Variants in MLH3 observed in about 807,000 individuals in gnomAD.
MLH3 encodes DNA mismatch repair protein Mlh3.
A neutral mutation model predicts 122.2 loss-of-function variants in MLH3; 82 were observed. That is an observed-to-expected ratio of 0.67 (90% confidence interval 0.56 to 0.81). The LOEUF (loss-of-function observed/expected upper bound fraction) is 0.81, where lower values mean the gene tolerates loss of function less well. Among genes scored for constraint, MLH3 ranks in the 30% least tolerant of loss-of-function variants. The pLI, the probability that MLH3 is intolerant of heterozygous loss-of-function variation, is 0.00. For missense variants in MLH3, 1,539 were observed against 1,714.5 expected (o/e 0.90, Z 1.81); for synonymous variants, 524 against 599.5 (o/e 0.87, Z 1.84).
Position 75,039,881 on chromosome 14 carries a change from A to T in MLH3, c.3570+30T>A, listed in dbSNP as rs1249404841. 6 of 616,458 alleles carry T rather than the reference A, an allele frequency of 9.7e-6. No homozygotes were observed. In the East Asian group the frequency reaches 1.9e-4, roughly 19 times the overall value. The allele number at this position is 616,458 out of a possible 1,614,324, so 38.2% of individuals were successfully genotyped here. ...TATATATATATATATATATATATAT[A>T]TTTATGAGATTTTGAAGTTAATCTT... On this transcript the variant is annotated intron_variant, in intron 5 of 12. Coordinates refer to ENST00000355774, the MANE Select transcript of MLH3 (RefSeq NM_001040108.2).
At chr14:75,035,638 C>T (rs1028405054) in intron 6 of MLH3, among the ~76,000 whole-genome samples, 1 of 152,174 alleles carries the variant, frequency 6.6e-6, no homozygotes, top group African/African-American at 2.4e-5. Context: ...GTTAATTTGC[C>T]TTTGATCTGC....
At chr14:75,028,214 T>C (rs1382308994) in intron 9 of MLH3, among the ~76,000 whole-genome samples, 2 of 152,152 alleles carry the variant, frequency 1.3e-5, no homozygotes, top group African/African-American at 4.8e-5. Flanking sequence ...TACCAAAACA[T>C]ATATGTAAAG....
chr14:75,046,684 G>C lies in MLH3; in HGVS notation c.2972C>G (p.Ser991Ter). Residue 991 changes from serine (S) to a stop codon, truncating the protein, a stop_gained, in exon 2 of 13, where the codon TCA (serine) becomes TGA (stop). Transcript: ENST00000355774. LOFTEE classifies it high-confidence loss of function. Reference protein sequence around the residue: ...GKDSDVLIRASEQQIGSLDSP... With the variant: ...GKDSDVLIRA The stretch of plus-strand genomic sequence containing the variant: ...GTCAAGACTTCCTATCTGTTGTTCT[G>C]AGGCTCTGATAAGAACATCTGAATC... 1 of 1,614,098 alleles carries C rather than the reference G, an allele frequency of 6.2e-7. No homozygotes were observed. The highest frequency in any genetic ancestry group is 8.5e-7 in the Non-Finnish European group (1 of 1,179,986).
chr14:75,036,340 T>G (rs1008569961), intron 6 of MLH3, among the ~76,000 whole-genome samples: 1 of 145,200 alleles, frequency 6.9e-6, no homozygotes, highest in Non-Finnish European at 1.5e-5. Flanking sequence ...AACCACATTC[T>G]TGACATCTTT....
At chr14:75,037,199 A>G (rs934883603) in intron 6 of MLH3, among the ~76,000 whole-genome samples, 3 of 152,166 alleles carry the variant, frequency 2.0e-5, no homozygotes, top group Non-Finnish European at 4.4e-5. Flanking sequence ...AGGAGAATAA[A>G]TCACAAATTG....
chr14:75,046,574 C>T lies in MLH3; in HGVS notation c.3082G>A (p.Ala1028Thr). ...TCTTCAGTTTCAGAACAAGCTCTTGCTTTAGATTCCTCACTCTGAAAACAA... is the reference window on the plus strand; with the variant it reads ...TCTTCAGTTTCAGAACAAGCTCTTGTTTTAGATTCCTCACTCTGAAAACAA... ...GICFQSEESK[A>T]RACSETEESN... The change falls in exon 2 of 13, where the codon GCA becomes ACA. Residue 1028 changes from alanine to threonine, a missense_variant. Physicochemically the swap from Ala to Thr is moderately conservative, Grantham distance 58. Coordinates refer to ENST00000355774, the MANE Select transcript of MLH3 (RefSeq NM_001040108.2). The T allele has an allele frequency of 3.7e-6, 6 of 1,614,198 alleles. No homozygotes were observed. The highest frequency in any genetic ancestry group is 5.1e-6 in the Non-Finnish European group (6 of 1,180,038).
Position 75,049,442 on chromosome 14 carries a change from G to GAT in MLH3, c.212_213dup (p.Arg72IlefsTer47). 1.9e-6 allele frequency: 3 copies of GAT among 1,613,976 alleles called. No individual in the cohort carries two copies. Among genetic ancestry groups the GAT allele is most frequent in the Non-Finnish European group, 8.5e-7 (1 of 1,180,018 alleles). On this transcript the variant is annotated frameshift_variant, in exon 2 of 13. Coordinates refer to ENST00000355774, the MANE Select transcript of MLH3 (RefSeq NM_001040108.2). LOFTEE classifies it high-confidence loss of function. The stretch of plus-strand genomic sequence containing the variant: ...GAGTGGCATTTACTGGTGAAATAAC[G>GAT]ATTTCCCACTTTCTCTACATCATCA...
chr14:75,048,070 T>G lies in MLH3; in HGVS notation c.1586A>C (p.Lys529Thr), dbSNP rs1892386106. ...CATGCCATTAACAGTAGTACTTTCT[T>G]TCCATATTTCTAGATCCTGCCCACT... ...EESGQDLEIW[K>T]ESTTVNGMAA... The change falls in exon 2 of 13, where the codon AAA becomes ACA. Residue 529 changes from lysine to threonine, a missense_variant. Physicochemically the swap from Lys to Thr is moderately conservative, Grantham distance 78. Coordinates refer to ENST00000355774, the MANE Select transcript of MLH3 (RefSeq NM_001040108.2). 1 of 1,614,090 alleles carries G rather than the reference T, an allele frequency of 6.2e-7. No homozygotes were observed. Among genetic ancestry groups the G allele is most frequent in the East Asian group, 2.2e-5 (1 of 44,878 alleles).
At chr14:75,043,188 T>G (rs183173779) in intron 2 of MLH3, among the ~76,000 whole-genome samples, 2 of 152,264 alleles carry the variant, frequency 1.3e-5, no homozygotes, top group Non-Finnish European at 2.9e-5. Flanking sequence ...GGACAAACCT[T>G]ACAACAAAAA....
chr14:75,039,007 G>A (rs530615973), intron 5 of MLH3, among the ~76,000 whole-genome samples: 14 of 151,640 alleles, frequency 9.2e-5, no homozygotes, highest in South Asian at 6.3e-4. Flanking sequence ...ACAGGTGCCC[G>A]CCACCACGCC....
rs780120175 is a variant in MLH3, at chr14:75,019,033, T to C, written c.4091-53A>G. On this transcript the variant is annotated intron_variant, in intron 11 of 12. Transcript: ENST00000355774. Reference sequence around the variant, plus strand: ...TATAGTGTATATAGTGGGAAACCAATGCTGACCTTGGGTCACTGCCAAATA... The same window carrying C: ...TATAGTGTATATAGTGGGAAACCAACGCTGACCTTGGGTCACTGCCAAATA... The C allele has an allele frequency of 6.5e-6, 10 of 1,532,972 alleles. No individual in the cohort carries two copies. In the South Asian group the frequency reaches 1.0e-4, roughly 15 times the overall value. 95.0% of individuals were successfully genotyped at this position (1,532,972 alleles called of 1,614,324 possible).
At position 75,048,190 on chromosome 14, in the gene MLH3, T is replaced by A; in HGVS notation, c.1466A>T (p.Lys489Ile). 6.2e-7 allele frequency: 1 copy of A among 1,613,742 alleles called. No homozygotes were observed. The highest frequency in any genetic ancestry group is 8.5e-7 in the Non-Finnish European group (1 of 1,179,886). ...TAAAGAGCTATGTTCCAGGAAAGAT[T>A]TTTTATGTTTCTCATTTTCTCCAGC... The part of the protein sequence containing the change: ...SEAGENEKHK[K>I]SFLEHSSLEN... The change falls in exon 2 of 13, where the codon AAA (lysine) becomes ATA (isoleucine). Residue 489 changes from lysine to isoleucine, a missense_variant. Lys to Ile is a moderately radical substitution (Grantham distance 102). Coordinates refer to ENST00000355774, the MANE Select transcript of MLH3 (RefSeq NM_001040108.2).
chr14:75,033,510 G>T lies in MLH3; in HGVS notation c.3644-20C>A. The T allele has an allele frequency of 6.2e-7, 1 of 1,604,482 alleles. No individual in the cohort carries two copies. The highest frequency in any genetic ancestry group is 1.1e-5 in the South Asian group (1 of 90,826). On this transcript the variant is annotated intron_variant, in intron 6 of 12. Coordinates refer to ENST00000355774, the MANE Select transcript of MLH3 (RefSeq NM_001040108.2). ...TCCCACCTAGATGAGCAAGGATTGT[G>T]AACTTTGATTCTCAGAGCAAGACGA...
chr14:75,034,279 A>C (rs1408242130), intron 6 of MLH3, among the ~76,000 whole-genome samples: 1 of 152,078 alleles, frequency 6.6e-6, no homozygotes. Flanking sequence ...ATTTTGCCTT[A>C]TTAATTCAAC....
intron 4 of MLH3, among the ~76,000 whole-genome samples, 166 bp downstream of exon 4, chr14:75,041,449 T>C (rs1566596507): frequency 6.6e-6 from 1 of 151,914 alleles, no homozygotes; most frequent in Admixed American, 6.6e-5. Context: ...CTCGAGAGAC[T>C]GAGGCAGGAG....
intron 6 of MLH3, among the ~76,000 whole-genome samples, chr14:75,035,098 AAG>A (rs1447105673): frequency 2.6e-5 from 4 of 151,634 alleles, no homozygotes; most frequent in Non-Finnish European, 5.9e-5. Context: ...TAAAGAAAAA[AAG>A]AGAAATTTCA....
rs756207566 is a variant in MLH3, at chr14:75,018,812, G to A, written c.4242+17C>T. ...ATAAACTTTGCTCCCTCCTGCTCCT[G>A]TTAGTCATTAATGTACCTGTTTTTC... On this transcript the variant is annotated intron_variant, in intron 12 of 12. Transcript: ENST00000355774. 34 of 1,613,604 alleles carry A rather than the reference G, an allele frequency of 2.1e-5. No homozygotes were observed. The highest frequency in any genetic ancestry group is 2.6e-5 in the Non-Finnish European group (31 of 1,179,622).
rs2139473855 is a variant in MLH3 at position 75,039,957 on chromosome 14, ATGT to A, written c.3521_3523del (p.Asn1174del). ...TTTGGTGAAACGATAGGGATACAAG[ATGT>A]TGTGAATTTTAACTGCTAAGCTCTC... is the stretch of plus-strand genomic sequence containing the variant. On this transcript the variant is annotated inframe_deletion, in exon 5 of 13. Coordinates refer to ENST00000355774, the MANE Select transcript of MLH3 (RefSeq NM_001040108.2). 1.9e-6 allele frequency: 3 copies of A among 1,597,540 alleles called. No individual in the cohort carries two copies. Among genetic ancestry groups the A allele is most frequent in the Non-Finnish European group, 2.6e-6 (3 of 1,170,162 alleles).
Position 75,016,080 on chromosome 14 carries a change from G to A in MLH3, c.*1002C>T, listed in dbSNP as rs914157826. On this transcript the variant is annotated 3_prime_UTR_variant, in exon 13 of 13. Coordinates refer to ENST00000355774, the MANE Select transcript of MLH3 (RefSeq NM_001040108.2). ...TTAACCACAAATCATGTGAAAAGGTGCGGGAAAAATAGATTGAGAATGGCA... is the reference window on the plus strand; with the variant it reads ...TTAACCACAAATCATGTGAAAAGGTACGGGAAAAATAGATTGAGAATGGCA... The A allele has an allele frequency of 3.1e-5, 7 of 227,052 alleles. No individual in the cohort carries two copies. In the Admixed American group the frequency reaches 4.0e-4, roughly 13 times the overall value. 14.1% of individuals were successfully genotyped at this position (227,052 alleles called of 1,614,324 possible).
Sources: gnomAD v4.1 joint callset for allele counts (sites outside exome capture counted in the v4.1 genomes callset) on GRCh38, gnomAD v4.1.1 for gene constraint, MANE v1.5 for transcripts, NCBI Gene and HGNC (gene_info 2026-07-23, HGNC 2026-07-21) for gene names.